Variants in MDGA2 observed in about 807,000 individuals in gnomAD.
MDGA2 encodes MAM domain-containing glycosylphosphatidylinositol anchor protein 2.
A neutral mutation model predicts 117.8 loss-of-function variants in MDGA2; 40 were observed. That is an observed-to-expected ratio of 0.34 (90% CI 0.26 to 0.44). The LOEUF (loss-of-function observed/expected upper bound fraction) is 0.44, where lower values mean the gene tolerates loss of function less well. MDGA2 is among the 20% of genes least tolerant of loss of function. The probability of loss-of-function intolerance (pLI) is 1.00; values close to 1 mark genes in which losing one functional copy is unlikely to be tolerated. For synonymous variants in MDGA2, 452 were observed against 439.0 expected (o/e 1.03, Z -0.37); for missense variants, 1,123 against 1,250.6 (o/e 0.90, Z 1.54).
intron 6 of MDGA2, among the ~76,000 whole-genome samples, chr14:47,064,201 C>G (rs528272373): frequency 4.1e-4 from 63 of 151,922 alleles, no homozygotes; most frequent in African/African-American, 1.5e-3. Flanking sequence ...TAAGAGTGAA[C>G]TCATAGCGAA....
rs1383029485 is a variant in MDGA2 at position 47,588,245 on chromosome 14, T to G, written c.280+86272A>C. Among the ~76,000 whole-genome samples, 77 of 85,456 alleles carry G rather than the reference T, an allele frequency of 9.0e-4. 1 individual carries two copies. Among genetic ancestry groups the G allele is most frequent in the African/African-American group, 2.3e-3 (64 of 28,130 alleles). The allele number at this position is 85,456 out of a possible 152,430, so 56.1% of individuals were successfully genotyped here. A position where few individuals can be genotyped will look rare whatever the true frequency, so the allele number is the denominator to read the frequency against. ...TCTCTTGGAGATAGATAGATATATA[T>G]ATATATATATATATATACACACACA... On this transcript the variant is annotated intron_variant, in intron 1 of 16. Transcript: ENST00000399232.
At chr14:47,657,213 G>T (rs1191967351) in intron 1 of MDGA2, among the ~76,000 whole-genome samples, 1 of 152,034 alleles carries the variant, frequency 6.6e-6, no homozygotes, top group Non-Finnish European at 1.5e-5. Flanking sequence ...ATAAATTATT[G>T]GCCCACAGAA....
intron 1 of MDGA2, among the ~76,000 whole-genome samples, chr14:47,665,384 T>C (rs1301038747): frequency 6.6e-6 from 1 of 152,238 alleles, no homozygotes; most frequent in Non-Finnish European, 1.5e-5. Flanking sequence ...GACAGTGTGC[T>C]GGCAGCCCTC....
chr14:46,943,550 C>A (rs1440673086), intron 9 of MDGA2, among the ~76,000 whole-genome samples: 2 of 152,012 alleles, frequency 1.3e-5, no homozygotes, highest in Non-Finnish European at 2.9e-5. Context: ...CATTCACTTA[C>A]TGATTCTACT....
At chr14:47,592,522 G>A (rs546037498) in intron 1 of MDGA2, among the ~76,000 whole-genome samples, 1 of 152,116 alleles carries the variant, frequency 6.6e-6, no homozygotes, top group South Asian at 2.1e-4. Context: ...AAAGAGCATG[G>A]TATTGGTATG....
intron 1 of MDGA2, among the ~76,000 whole-genome samples, chr14:47,435,939 G>A (rs1226988288): frequency 6.6e-6 from 1 of 152,030 alleles, no homozygotes; most frequent in Admixed American, 6.6e-5. Flanking sequence ...GTTTCCAACT[G>A]ACCTAAAATC....
intron 8 of MDGA2, among the ~76,000 whole-genome samples, chr14:47,002,554 C>A: frequency 6.6e-6 from 1 of 151,810 alleles, no homozygotes; most frequent in East Asian, 1.9e-4. Context: ...ATGGCAAAAC[C>A]CTGTCTCTAA....
At chr14:46,854,944 T>C (rs1454004301) in intron 15 of MDGA2, 80 bp downstream of exon 15, 1 of 1,216,932 alleles carries the variant, frequency 8.2e-7, no homozygotes, top group Non-Finnish European at 1.1e-6. Context: ...TGAATATTCA[T>C]ATTTTAATAT....
chr14:47,368,116 C>A (rs367815855), intron 1 of MDGA2, among the ~76,000 whole-genome samples: 16 of 151,638 alleles, frequency 1.1e-4, no homozygotes, highest in Middle Eastern at 3.4e-3. Context: ...CCCGTCTGTA[C>A]TAAAAATACA....
intron 1 of MDGA2, among the ~76,000 whole-genome samples, chr14:47,425,774 G>A (rs1892675652): frequency 6.6e-6 from 1 of 152,010 alleles, no homozygotes. Flanking sequence ...ACTTTTAAAA[G>A]ACTTGCAAAA....
At chr14:47,445,874 G>A (rs758974751) in intron 1 of MDGA2, among the ~76,000 whole-genome samples, 79 of 152,086 alleles carry the variant, frequency 5.2e-4, no homozygotes, top group Non-Finnish European at 9.4e-4. Context: ...AGTCAGAAAT[G>A]GAATTCAATT....
chr14:47,085,208 AAAT>A (rs928641400), intron 6 of MDGA2, among the ~76,000 whole-genome samples: 15 of 152,306 alleles, frequency 9.8e-5, no homozygotes, highest in Non-Finnish European at 7.4e-5. Context: ...GAAAAACAGA[AAAT>A]AATAAAATCA....
chr14:47,592,529 T>C (rs750811683), intron 1 of MDGA2, among the ~76,000 whole-genome samples: 13 of 152,128 alleles, frequency 8.5e-5, no homozygotes, highest in Non-Finnish European at 1.6e-4. Context: ...ATGGTATTGG[T>C]ATGAAAACAG....
At chr14:46,930,770 C>A (rs904042737) in intron 9 of MDGA2, among the ~76,000 whole-genome samples, 2 of 152,104 alleles carry the variant, frequency 1.3e-5, no homozygotes, top group African/African-American at 4.8e-5. Context: ...TATTTTATCA[C>A]CCTTTCAATA....
intron 10 of MDGA2, among the ~76,000 whole-genome samples, chr14:46,918,050 T>A (rs899821327): frequency 1.3e-5 from 2 of 152,070 alleles, no homozygotes; most frequent in Admixed American, 1.3e-4. Flanking sequence ...ATGAGAAGGG[T>A]TGGGTAAATT....
chr14:47,000,564 C>T (rs987537874), intron 8 of MDGA2, among the ~76,000 whole-genome samples: 7 of 150,120 alleles, frequency 4.7e-5, no homozygotes, highest in African/African-American at 1.7e-4. Flanking sequence ...GTTTAACTCC[C>T]AAATTTATAA....
intron 1 of MDGA2, among the ~76,000 whole-genome samples, chr14:47,401,147 A>G (rs981313449): frequency 4.6e-5 from 7 of 151,994 alleles, no homozygotes; most frequent in Non-Finnish European, 8.8e-5. Flanking sequence ...CACATCAAGT[A>G]GATAAATTAA....
Position 47,609,896 on chromosome 14 carries a change from C to T in MDGA2, c.280+64621G>A, listed in dbSNP as rs193100520. ...GCCAGCATCACCCTAATGCTAAAAC[C>T]AGGAAAGGATACAACCAAAAAAGAA... On this transcript the variant is annotated intron_variant, in intron 1 of 16. Transcript: ENST00000399232. Among the ~76,000 whole-genome samples the T allele has an allele frequency of 5.9e-5, 9 of 152,036 alleles. 1 individual carries two copies. Among genetic ancestry groups the T allele is most frequent in the Non-Finnish European group, 1.0e-4 (7 of 67,962 alleles).
chr14:47,236,146 C>T (rs1353402104), intron 2 of MDGA2, among the ~76,000 whole-genome samples: 1 of 151,916 alleles, frequency 6.6e-6, no homozygotes, highest in African/African-American at 2.4e-5. Flanking sequence ...CAAAAATTAG[C>T]CGGGCATAGT....
Sources: allele counts gnomAD v4.1 joint callset (sites outside exome capture counted in the v4.1 genomes callset), GRCh38; gene constraint gnomAD v4.1.1; transcripts MANE v1.5; gene names NCBI Gene and HGNC (gene_info 2026-07-23, HGNC 2026-07-21).